The following COLEC10 variants were observed in gnomAD, a reference collection of about 807,000 sequenced individuals.
COLEC10 encodes the protein collectin-10.
Under a neutral mutation model 28.4 loss-of-function variants are expected in COLEC10, and 22 were observed. That is an observed-to-expected ratio of 0.78 (90% CI 0.55 to 1.11). COLEC10 has a LOEUF of 1.11. Ranked by LOEUF, COLEC10 falls within the 50% of genes least tolerant of loss-of-function variation. The pLI is 0.00. For synonymous variants in COLEC10, 125 were observed against 116.1 expected (o/e 1.08, Z -0.49); for missense variants, 361 against 344.1 (o/e 1.05, Z -0.39).
At chr8:118,961,476 A>C in the COLEC10 span, among the ~76,000 whole-genome samples, 1 of 152,226 alleles carries the variant, frequency 6.6e-6, no homozygotes, top group Non-Finnish European at 1.5e-5. Context: ...CAAGTGGCTC[A>C]TCTGATTCAG....
intron 2 of COLEC10, among the ~76,000 whole-genome samples, chr8:119,026,519 C>G (rs1814194079): frequency 6.6e-6 from 1 of 152,120 alleles, no homozygotes; most frequent in African/African-American, 2.4e-5. Context: ...AGAGCAAGAT[C>G]CTATCTCAAA....
At chr8:119,091,595 G>GAAAGAAAGAAAGAAAGAAAGAA (rs1554629267) in intron 3 of COLEC10, among the ~76,000 whole-genome samples, 1 of 138,488 alleles carries the variant, frequency 7.2e-6, no homozygotes, top group African/African-American at 2.8e-5. Context: ...GAGAGAGAGA[G>GAAAGAAAGAAAGAAAGAAAGAA]AGAAAGAAAG....
the COLEC10 span, among the ~76,000 whole-genome samples, chr8:118,976,281 C>G: frequency 0.022 from 3,409 of 152,100 alleles, 128 homozygotes; most frequent in African/African-American, 0.077. Context: ...GTAGTTTACA[C>G]AAAATACATA....
intron 3 of COLEC10, among the ~76,000 whole-genome samples, chr8:119,096,227 A>G (rs1243245645): frequency 6.6e-6 from 1 of 152,198 alleles, no homozygotes; most frequent in Non-Finnish European, 1.5e-5. Flanking sequence ...AGGGTAGCCA[A>G]CACGTTTTTA....
Position 119,108,152 on chromosome 8 carries a change from C to T in COLEC10, c.*1961C>T, listed in dbSNP as rs1815990253. 6.6e-6 allele frequency among the ~76,000 whole-genome samples: 1 copy of T among 152,076 alleles called. No homozygotes were observed. ...ACTCTTTTGAGATGATAGTACATGA[C>T]ACTTTAAAGGCAGAAAAGCTTAATA... On this transcript the variant is annotated 3_prime_UTR_variant, in exon 6 of 6. Coordinates refer to ENST00000332843, the MANE Select transcript of COLEC10 (RefSeq NM_006438.5).
chr8:119,009,601 A>T (rs1905777), intron 2 of COLEC10: 100,078 of 149,810 alleles, frequency 0.67, 35,408 homozygotes, highest in African/African-American at 0.9. Context: ...GGTAATCTGT[A>T]ACAGCAAAAG....
intron 2 of COLEC10, among the ~76,000 whole-genome samples, chr8:119,058,230 T>G (rs1207444463): frequency 6.6e-6 from 1 of 152,070 alleles, no homozygotes; most frequent in Non-Finnish European, 1.5e-5. Flanking sequence ...TGGAATGCAG[T>G]TTTCATGATA....
chr8:118,981,839 T>A, the COLEC10 span, among the ~76,000 whole-genome samples: 1 of 152,108 alleles, frequency 6.6e-6, no homozygotes, highest in African/African-American at 2.4e-5. Context: ...TTAAACCCCG[T>A]TTTCTCAGTT....
chr8:119,049,888 A>G (rs1010239233), intron 2 of COLEC10, among the ~76,000 whole-genome samples: 4 of 152,186 alleles, frequency 2.6e-5, no homozygotes, highest in African/African-American at 9.7e-5. Flanking sequence ...TAAAAATTCA[A>G]TTTTCCCTAT....
chr8:119,025,422 G>A (rs946581191), intron 2 of COLEC10, among the ~76,000 whole-genome samples: 5 of 152,150 alleles, frequency 3.3e-5, no homozygotes, highest in South Asian at 2.1e-4. Flanking sequence ...CTGTGGGTTC[G>A]TGGGAAACAC....
At chr8:119,029,251 C>T (rs1449655035) in intron 2 of COLEC10, among the ~76,000 whole-genome samples, 1 of 152,100 alleles carries the variant, frequency 6.6e-6, no homozygotes, top group Non-Finnish European at 1.5e-5. Flanking sequence ...ATCAGATTTT[C>T]GTTTTGCAAA....
rs922732257 is a variant in COLEC10 at position 119,016,255 on chromosome 8, G to A, written n.235+6702G>A. ...CACGTGTTCTCATTGTTCACCTTCC[G>A]CTTATAAGTAAGAACATGCAGTGTT... On this transcript the variant is annotated intron_variant and non_coding_transcript_variant, in intron 2 of 6. Transcript: ENST00000521788. Among the ~76,000 whole-genome samples, 13 of 151,918 alleles carry A rather than the reference G, an allele frequency of 8.6e-5. No homozygotes were observed. In the East Asian group the frequency reaches 1.9e-3, roughly 23 times the overall value.
At chr8:119,070,356 T>C (rs539900055) in intron 1 of COLEC10, among the ~76,000 whole-genome samples, 2 of 152,310 alleles carry the variant, frequency 1.3e-5, no homozygotes, top group African/African-American at 4.8e-5. Context: ...GTTATCAAAA[T>C]GACTCTGTTG....
At chr8:118,977,631 G>A in the COLEC10 span, among the ~76,000 whole-genome samples, 4 of 146,206 alleles carry the variant, frequency 2.7e-5, no homozygotes, top group East Asian at 2.1e-4. Flanking sequence ...GGATAGCATC[G>A]GGAGTTATAC....
upstream of COLEC10, chr8:119,067,129 CA>C (rs1335277423): frequency 1.5e-6 from 1 of 668,326 alleles, no homozygotes; most frequent in East Asian, 2.8e-5. Flanking sequence ...AGAAAATAAA[CA>C]ACCTAGGGTA....
chr8:119,018,205 GA>G (rs1276145085), intron 2 of COLEC10, among the ~76,000 whole-genome samples: 1 of 151,562 alleles, frequency 6.6e-6, no homozygotes, highest in Admixed American at 6.5e-5. Context: ...AAAGTGTCCT[GA>G]AGAAGAAATT....
chr8:118,995,914 C>T (rs1180008012), intron 1 of COLEC10, among the ~76,000 whole-genome samples: 1 of 151,158 alleles, frequency 6.6e-6, no homozygotes, highest in East Asian at 1.9e-4. Flanking sequence ...TGAGATATAC[C>T]CCCTGAACAA....
the COLEC10 span, among the ~76,000 whole-genome samples, chr8:118,988,875 ACT>A: frequency 6.6e-6 from 1 of 152,192 alleles, no homozygotes; most frequent in African/African-American, 2.4e-5. Context: ...AAATCCTCAC[ACT>A]ACAGGCCATT....
At chr8:119,033,215 G>T (rs929457725) in intron 2 of COLEC10, among the ~76,000 whole-genome samples, 2 of 149,868 alleles carry the variant, frequency 1.3e-5, no homozygotes, top group Non-Finnish European at 3.0e-5. Flanking sequence ...TTCAGCCACA[G>T]GCAAGTTACT....
Sources: gnomAD v4.1 joint callset for allele counts (sites outside exome capture counted in the v4.1 genomes callset) on GRCh38, gnomAD v4.1.1 for gene constraint, MANE v1.5 for transcripts, NCBI Gene and HGNC (gene_info 2026-07-23, HGNC 2026-07-21) for gene names.